The following FAN1 variants were observed in gnomAD, a reference collection of about 807,000 sequenced individuals.
FAN1 encodes the protein fanconi-associated nuclease 1.
FAN1 carries 91 observed loss-of-function variants against 104.9 expected under a neutral mutation model. The ratio of observed to expected loss-of-function variants is 0.87; its 90% CI spans 0.73 to 1.03. The LOEUF (loss-of-function observed/expected upper bound fraction) is 1.03, where lower values mean the gene tolerates loss of function less well. Ranked by LOEUF, FAN1 falls within the 50% of genes least tolerant of loss-of-function variation. FAN1 has a pLI of 0.00. For synonymous variants in FAN1, 478 were observed against 457.6 expected (o/e 1.04, Z -0.57); for missense variants, 1,263 against 1,239.9 (o/e 1.02, Z -0.28).
At chr15:30,914,197 C>A in intron 5 of FAN1, 106 bp downstream of exon 5, 2 of 772,420 alleles carry the variant, frequency 2.6e-6, no homozygotes, top group Non-Finnish European at 2.1e-6. Flanking sequence ...AGTCCACAGC[C>A]AAAACAGTTT....
chr15:30,916,977 G>GC (rs2062210507), intron 5 of FAN1, among the ~76,000 whole-genome samples: 1 of 152,210 alleles, frequency 6.6e-6, no homozygotes, highest in Non-Finnish European at 1.5e-5. Context: ...CCGCGAGATA[G>GC]CATGTGCACA....
intron 4 of FAN1, 160 bp downstream of exon 4, chr15:30,910,975 C>T (rs2062088362): frequency 7.5e-7 from 1 of 1,329,928 alleles, no homozygotes; most frequent in Non-Finnish European, 9.6e-7. Context: ...TGGATTCTTT[C>T]TTGGGTTATT....
At position 30,943,077 on chromosome 15, in the gene FAN1, A is replaced by T; in HGVS notation, c.*1515A>T. The T allele has an allele frequency of 6.6e-7, 1 of 1,524,516 alleles. No homozygotes were observed. Among genetic ancestry groups the T allele is most frequent in the Middle Eastern group, 1.7e-4 (1 of 5,846 alleles). The allele number at this position is 1,524,516 out of a possible 1,614,324, so 94.4% of individuals were successfully genotyped here. Reference sequence around the variant, plus strand: ...GTTTTTGCTTATAGCAAATTCCTGCAAAATAAATAAATAAATATTTGCAAA... The same window carrying T: ...GTTTTTGCTTATAGCAAATTCCTGCTAAATAAATAAATAAATATTTGCAAA... On this transcript the variant is annotated 3_prime_UTR_variant, in exon 15 of 15. Transcript: ENST00000362065.
chr15:30,935,814 A>G (rs1441395584), intron 13 of FAN1, among the ~76,000 whole-genome samples: 25 of 152,234 alleles, frequency 1.6e-4, no homozygotes, highest in Admixed American at 1.6e-3. Flanking sequence ...TCTTCTAACT[A>G]GCATGGTTTC....
intron 4 of FAN1, chr15:30,911,570 GA>G: frequency 1.0e-6 from 1 of 967,946 alleles, no homozygotes; most frequent in Non-Finnish European, 1.2e-6. Context: ...ACCAACACTT[GA>G]AAAAAGCTCG....
In FAN1 at chr15:30,912,512, G is replaced by A. The variant is rs575994355; in HGVS notation, c.1578-1346G>A. On this transcript the variant is annotated intron_variant, in intron 4 of 14. Transcript: ENST00000362065. Reference sequence around the variant, plus strand: ...GAGGTGGATGAAATGGGTACTTTGGGGCAGTCTGTAGATGAGTGGCTCTCA... The same window carrying A: ...GAGGTGGATGAAATGGGTACTTTGGAGCAGTCTGTAGATGAGTGGCTCTCA... Among the ~76,000 whole-genome samples, 72 of 152,322 alleles carry A rather than the reference G, an allele frequency of 4.7e-4. 1 individual carries two copies. In the South Asian group the frequency reaches 7.5e-3, roughly 16 times the overall value.
chr15:30,935,616 G>A (rs2062831464), intron 13 of FAN1, among the ~76,000 whole-genome samples: 2 of 150,856 alleles, frequency 1.3e-5, no homozygotes, highest in South Asian at 4.2e-4. Flanking sequence ...AGGGACTTGA[G>A]CATCCATGGA....
At chr15:30,927,881 C>G (rs1011322969) in intron 10 of FAN1, 1 of 985,616 alleles carries the variant, frequency 1.0e-6, no homozygotes, top group Non-Finnish European at 1.2e-6. Flanking sequence ...ACTCTGTGAC[C>G]TCAGCACCTG....
At chr15:30,923,425 AG>A (rs1422899767) in intron 8 of FAN1, among the ~76,000 whole-genome samples, 1 of 152,176 alleles carries the variant, frequency 6.6e-6, no homozygotes, top group Non-Finnish European at 1.5e-5. Context: ...CAGTTCTGCT[AG>A]GGGGTAGACA....
In FAN1 at chr15:30,905,621, G is replaced by C; in HGVS notation, c.958G>C (p.Glu320Gln). 6.2e-7 allele frequency: 1 copy of C among 1,614,126 alleles called. No homozygotes were observed. Among genetic ancestry groups the C allele is most frequent in the Non-Finnish European group, 8.5e-7 (1 of 1,179,976 alleles). The change falls in exon 2 of 15, where the codon GAG becomes CAG. Residue 320 changes from glutamate to glutamine, a missense_variant. This residue lies in a region of FAN1 where 682 missense variants were observed against 571.1 expected (regional missense o/e 1.19). Transcript: ENST00000362065. ...SEAKIQLSDS[E>Q]AKSHSSADDA... ...AGCTAAAATACAGCTGTCAGATTCAGAGGCAAAATCTCATAGTTCTGCAGA... is the reference window on the plus strand; with the variant it reads ...AGCTAAAATACAGCTGTCAGATTCACAGGCAAAATCTCATAGTTCTGCAGA...
intron 8 of FAN1, among the ~76,000 whole-genome samples, chr15:30,923,349 G>A (rs1031476181): frequency 5.3e-5 from 8 of 152,184 alleles, no homozygotes. Context: ...GAGAAAGCTT[G>A]TGTTTCTGTC....
Position 30,918,207 on chromosome 15 carries a change from A to G in FAN1, c.1855A>G (p.Met619Val), listed in dbSNP as rs759425884. 1.4e-5 allele frequency: 23 copies of G among 1,613,392 alleles called. 1 individual carries two copies. The highest frequency in any genetic ancestry group is 1.7e-4 in the Middle Eastern group (1 of 6,052). Reference sequence around the variant, plus strand: ...CATGCTGAGTGACATTTCTTCCGCAATGGCCAATGGGAACTGGGAAGAAGC... The same window carrying G: ...CATGCTGAGTGACATTTCTTCCGCAGTGGCCAATGGGAACTGGGAAGAAGC... ...THMLSDISSAMANGNWEEAKE... is the reference protein window; with the variant it reads ...THMLSDISSAVANGNWEEAKE... The change falls in exon 6 of 15, where the codon ATG becomes GTG. Residue 619 changes from methionine (M) to valine (V), a missense_variant. Coordinates refer to ENST00000362065, the MANE Select transcript of FAN1 (RefSeq NM_014967.5).
intron 14 of FAN1, chr15:30,940,996 T>G: frequency 8.7e-7 from 1 of 1,150,716 alleles, no homozygotes; most frequent in Non-Finnish European, 1.1e-6. Context: ...TGAACCTTCA[T>G]CAGGTGAGTT....
intron 13 of FAN1, among the ~76,000 whole-genome samples, chr15:30,932,970 T>A (rs992654788): frequency 6.6e-6 from 1 of 152,024 alleles, no homozygotes; most frequent in Admixed American, 6.5e-5. Context: ...TCTGCCCACC[T>A]TGGCCTCCCA....
chr15:30,909,004 C>T (rs1470690752), intron 3 of FAN1, among the ~76,000 whole-genome samples: 1 of 152,140 alleles, frequency 6.6e-6, no homozygotes, highest in Non-Finnish European at 1.5e-5. Flanking sequence ...TACAGTTCTT[C>T]GATTATGTTG....
At chr15:30,929,727 A>G (rs1340977218) in intron 12 of FAN1, among the ~76,000 whole-genome samples, 1 of 71,676 alleles carries the variant, frequency 1.4e-5, no homozygotes, top group Non-Finnish European at 2.2e-5. Context: ...TATATATAAA[A>G]TATATAATAT....
At chr15:30,927,664 G>A (rs942215597) in intron 10 of FAN1, 21 of 985,644 alleles carry the variant, frequency 2.1e-5, no homozygotes, top group Non-Finnish European at 2.5e-5. Context: ...GGCATGTCAG[G>A]ATGGGGGTCT....
chr15:30,923,498 G>A (rs538944217), intron 8 of FAN1, among the ~76,000 whole-genome samples: 2 of 152,332 alleles, frequency 1.3e-5, no homozygotes, highest in South Asian at 4.1e-4. Context: ...TCTGTTTCCA[G>A]AGGTCTTACT....
intron 10 of FAN1, chr15:30,927,478 G>A (rs2062494110): frequency 4.1e-6 from 4 of 985,584 alleles, no homozygotes; most frequent in Admixed American, 6.1e-5. Flanking sequence ...AGGACAGAGA[G>A]CAGCACAGCC....
Sources: gnomAD v4.1 joint callset for allele counts (sites outside exome capture counted in the v4.1 genomes callset) on GRCh38, gnomAD v4.1.1 for gene constraint, gnomAD v4.1.1 regional missense constraint, MANE v1.5 for transcripts, NCBI Gene and HGNC (gene_info 2026-07-23, HGNC 2026-07-21) for gene names.